Variants in PPP1R3G observed in about 807,000 individuals in gnomAD.
PPP1R3G encodes the protein protein phosphatase 1, regulatory (inhibitor) subunit 3G.
PPP1R3G carries 3 observed loss-of-function variants against 2.0 expected under a neutral mutation model. The observed-to-expected ratio is 1.47, with a 90% CI of 0.67 to 3.81. The LOEUF is 3.81. PPP1R3G is among the 30% of genes most tolerant of loss of function. The probability of loss-of-function intolerance (pLI) is 0.02; values close to 1 mark genes in which losing one functional copy is unlikely to be tolerated. For missense variants in PPP1R3G, 595 were observed against 517.0 expected, an observed-to-expected ratio of 1.15 and a Z score of -1.46; for synonymous variants, 267 against 250.9, an observed-to-expected ratio of 1.06 and a Z score of -0.61.
Position 5,085,781 on chromosome 6 carries a change from TGCA to T in PPP1R3G, c.309_311del (p.Gln105del), listed in dbSNP as rs780541343. ...CCCATCTTGCAGGCGGCCAAGTTCC[TGCA>T]GCAGCAGCAGCAACAGGCGGTGGCA... On this transcript the variant is annotated inframe_deletion, in exon 1 of 1. Coordinates refer to ENST00000405617, the MANE Select transcript of PPP1R3G (RefSeq NM_001145115.3). 5.2e-6 allele frequency: 8 copies of T among 1,532,778 alleles called. No individual in the cohort carries two copies. The highest frequency in any genetic ancestry group is 2.0e-5 in the Admixed American group (1 of 50,262). 94.9% of individuals were successfully genotyped at this position (1,532,778 alleles called of 1,614,324 possible).
At position 5,087,043 on chromosome 6, in the gene PPP1R3G, T is replaced by G. The variant is rs1762055823; in HGVS notation, c.*481T>G. Reference sequence around the variant, plus strand: ...AGAGGAAGGTGCCACGGACTGTGGGTGCACGCGTGGGACCTTTACACCCCA... The same window carrying G: ...AGAGGAAGGTGCCACGGACTGTGGGGGCACGCGTGGGACCTTTACACCCCA... On this transcript the variant is annotated 3_prime_UTR_variant, in exon 1 of 1. Coordinates refer to ENST00000405617, the MANE Select transcript of PPP1R3G (RefSeq NM_001145115.3). The G allele has an allele frequency of 6.3e-6, 1 of 157,832 alleles. No individual in the cohort carries two copies. 9.8% of individuals were successfully genotyped at this position (157,832 alleles called of 1,614,324 possible).
rs1459231401 is a variant in PPP1R3G at position 5,086,071 on chromosome 6, C to G, written c.586C>G (p.Arg196Gly). The change falls in exon 1 of 1, where the codon CGG becomes GGG. Residue 196 changes from arginine to glycine, a missense_variant. By Grantham distance (125) the Arg-to-Gly change is moderately radical. Coordinates refer to ENST00000405617, the MANE Select transcript of PPP1R3G (RefSeq NM_001145115.3). ...CGCGCCCCTTTCAGCGCCGCCTTCC[C>G]GGCTCCGGCCGCTCTTCCAGCTCCC... ...VAAPLSAPPSRLRPLFQLPGP... is the reference protein window; with the variant it reads ...VAAPLSAPPSGLRPLFQLPGP... 10 of 1,468,912 alleles carry G rather than the reference C, an allele frequency of 6.8e-6. No homozygotes were observed. The Admixed American group carries it at 1.5e-4, about 21-fold the overall frequency. The allele number at this position is 1,468,912 out of a possible 1,614,324, so 91.0% of individuals were successfully genotyped here. A position where few individuals can be genotyped will look rare whatever the true frequency, so the allele number is the denominator to read the frequency against.
rs1490673613 is a variant in PPP1R3G, at chr6:5,089,189, G to A, written c.*2627G>A. 6.6e-6 allele frequency: 1 copy of A among 152,084 alleles called. No individual in the cohort carries two copies. Among genetic ancestry groups the A allele is most frequent in the Non-Finnish European group, 1.5e-5 (1 of 68,020 alleles). 9.4% of individuals were successfully genotyped at this position (152,084 alleles called of 1,614,324 possible). A position where few individuals can be genotyped will look rare whatever the true frequency, so the allele number is the denominator to read the frequency against. On this transcript the variant is annotated 3_prime_UTR_variant, in exon 1 of 1. Coordinates refer to ENST00000405617, the MANE Select transcript of PPP1R3G (RefSeq NM_001145115.3). Reference sequence around the variant, plus strand: ...ATTCATATATGCTTATAAAAACTTTGACGAAAAATAAATGATAAAATGAAA... The same window carrying A: ...ATTCATATATGCTTATAAAAACTTTAACGAAAAATAAATGATAAAATGAAA...
At position 5,085,757 on chromosome 6, in the gene PPP1R3G, C is replaced by A. The variant is rs1354777358; in HGVS notation, c.272C>A (p.Pro91His). 6.5e-7 allele frequency: 1 copy of A among 1,537,182 alleles called. No individual in the cohort carries two copies. Among genetic ancestry groups the A allele is most frequent in the East Asian group, 2.5e-5 (1 of 40,456 alleles). ...CGCTCCTTTTCCTTGCCCGCCGACC[C>A]CATCTTGCAGGCGGCCAAGTTCCTG... ...RARSFSLPAD[P>H]ILQAAKFLQQ... The change falls in exon 1 of 1, where the codon CCC becomes CAC. Residue 91 changes from proline to histidine, a missense_variant. Physicochemically the swap from Pro to His is moderately conservative, Grantham distance 77 (BLOSUM62 -2). Coordinates refer to ENST00000405617, the MANE Select transcript of PPP1R3G (RefSeq NM_001145115.3).
Position 5,085,688 on chromosome 6 carries a change from A to G in PPP1R3G, c.203A>G (p.Gln68Arg), listed in dbSNP as rs1761974335. 3.2e-6 allele frequency: 5 copies of G among 1,547,912 alleles called. No individual in the cohort carries two copies. In the East Asian group the frequency reaches 1.2e-4, roughly 38 times the overall value. Residue 68 changes from glutamine (Q) to arginine (R), a missense_variant, in exon 1 of 1, where the codon CAG becomes CGG. Transcript: ENST00000405617. ...PLSPKEEAAP[Q>R]EQEELLECRR... ...TCCCCGAAGGAAGAGGCCGCCCCCC[A>G]GGAGCAGGAGGAGCTGCTGGAATGC...
chr6:5,088,713 T>C lies in PPP1R3G; in HGVS notation c.*2151T>C, dbSNP rs1411704695. 6.6e-6 allele frequency: 1 copy of C among 152,198 alleles called. No homozygotes were observed. Among genetic ancestry groups the C allele is most frequent in the African/African-American group, 2.4e-5 (1 of 41,444 alleles). 9.4% of individuals were successfully genotyped at this position (152,198 alleles called of 1,614,324 possible). A position where few individuals can be genotyped will look rare whatever the true frequency, so the allele number is the denominator to read the frequency against. Reference sequence around the variant, plus strand: ...TTATAGTTAATAAAGCATTTAGACTTTAGTGAGCTTTTGCCACTTGAAATA... The same window carrying C: ...TTATAGTTAATAAAGCATTTAGACTCTAGTGAGCTTTTGCCACTTGAAATA... On this transcript the variant is annotated 3_prime_UTR_variant, in exon 1 of 1. Transcript: ENST00000405617.
Position 5,086,082 on chromosome 6 carries a change from G to A in PPP1R3G, c.597G>A (p.Pro199=), listed in dbSNP as rs1471844474. ...PLSAPPSRLR[P]LFQLPGPSAA... ...CAGCGCCGCCTTCCCGGCTCCGGCCGCTCTTCCAGCTCCCGGGGCCGAGCG... is the reference window on the plus strand; with the variant it reads ...CAGCGCCGCCTTCCCGGCTCCGGCCACTCTTCCAGCTCCCGGGGCCGAGCG... The change falls in exon 1 of 1, where the codon CCG becomes CCA. Residue 199 remains proline, a synonymous_variant. Transcript: ENST00000405617. 52 of 1,465,850 alleles carry A rather than the reference G, an allele frequency of 3.5e-5. No individual in the cohort carries two copies. The highest frequency in any genetic ancestry group is 4.6e-5 in the Non-Finnish European group (51 of 1,117,362). 90.8% of individuals were successfully genotyped at this position (1,465,850 alleles called of 1,614,324 possible).
chr6:5,086,325 G>C lies in PPP1R3G; in HGVS notation c.840G>C (p.Pro280=). Residue 280 remains proline (P), a synonymous_variant, in exon 1 of 1, where the codon CCG becomes CCC. Transcript: ENST00000405617. The part of the protein sequence containing the change: ...EPLEPQQPEA[P]SGASEPGSGD... Reference sequence around the variant, plus strand: ...TGGAGCCACAGCAGCCAGAGGCACCGTCTGGGGCCTCCGAGCCAGGGTCCG... The same window carrying C: ...TGGAGCCACAGCAGCCAGAGGCACCCTCTGGGGCCTCCGAGCCAGGGTCCG... The C allele has an allele frequency of 6.5e-7, 1 of 1,535,748 alleles. No individual in the cohort carries two copies. Among genetic ancestry groups the C allele is most frequent in the African/African-American group, 1.4e-5 (1 of 73,162 alleles).
In PPP1R3G at chr6:5,086,590, G is replaced by A. The variant is rs952927568; in HGVS notation, c.*28G>A. On this transcript the variant is annotated 3_prime_UTR_variant, in exon 1 of 1. Coordinates refer to ENST00000405617, the MANE Select transcript of PPP1R3G (RefSeq NM_001145115.3). ...CTGGAGAGTTTCGAAGAGCCGTGGG[G>A]CGGGGTTGATTAGCACGTGGAGCTC... The A allele has an allele frequency of 6.8e-7, 1 of 1,466,252 alleles. No individual in the cohort carries two copies. The highest frequency in any genetic ancestry group is 1.4e-5 in the African/African-American group (1 of 70,982). The allele number at this position is 1,466,252 out of a possible 1,614,324, so 90.8% of individuals were successfully genotyped here.
chr6:5,085,951 G>T lies in PPP1R3G; in HGVS notation c.466G>T (p.Val156Leu). ...CTTCAGCGAGGCGGAGGAGCCGCAG[G>T]TGCCGCCCGCCGTGCTCTCGCGCCT... ...KHFSEAEEPQVPPAVLSRLRS... is the reference protein window; with the variant it reads ...KHFSEAEEPQLPPAVLSRLRS... Residue 156 changes from valine (V) to leucine (L), a missense_variant, in exon 1 of 1, where the codon GTG (valine) becomes TTG (leucine). By Grantham distance (32) the Val-to-Leu change is conservative. Coordinates refer to ENST00000405617, the MANE Select transcript of PPP1R3G (RefSeq NM_001145115.3). 1.3e-6 allele frequency: 2 copies of T among 1,527,320 alleles called. No individual in the cohort carries two copies. Among genetic ancestry groups the T allele is most frequent in the Non-Finnish European group, 1.7e-6 (2 of 1,143,804 alleles). 94.6% of individuals were successfully genotyped at this position (1,527,320 alleles called of 1,614,324 possible). A position where few individuals can be genotyped will look rare whatever the true frequency, so the allele number is the denominator to read the frequency against.
rs564266830 is a variant in PPP1R3G at position 5,085,460 on chromosome 6, G to A, written c.-26G>A. On this transcript the variant is annotated 5_prime_UTR_variant, in exon 1 of 1. Transcript: ENST00000405617. ...TCTCCAGAGGGGCCCGGTTCGGCCC[G>A]AGCAAGTCCAGGGGCGAACGGCGTC... The A allele has an allele frequency of 4.1e-5, 62 of 1,503,614 alleles. No individual in the cohort carries two copies. The African/African-American group carries it at 6.8e-4, about 17-fold the overall frequency. The allele number at this position is 1,503,614 out of a possible 1,614,324, so 93.1% of individuals were successfully genotyped here. A position where few individuals can be genotyped will look rare whatever the true frequency, so the allele number is the denominator to read the frequency against.
In PPP1R3G at chr6:5,086,416, C is replaced by A. The variant is rs1762025177; in HGVS notation, c.931C>A (p.Gln311Lys). The change falls in exon 1 of 1, where the codon CAG (glutamine) becomes AAG (lysine). Residue 311 changes from glutamine to lysine, a missense_variant. By Grantham distance (53) the Gln-to-Lys change is moderately conservative. Coordinates refer to ENST00000405617, the MANE Select transcript of PPP1R3G (RefSeq NM_001145115.3). ...HFSLCLPPGLQPEDEEDADER... is the reference protein window; with the variant it reads ...HFSLCLPPGLKPEDEEDADER... ...CTCGCTGTGCCTGCCCCCGGGCCTG[C>A]AGCCTGAGGACGAAGAGGACGCCGA... The A allele has an allele frequency of 6.5e-7, 1 of 1,536,326 alleles. No individual in the cohort carries two copies. Among genetic ancestry groups the A allele is most frequent in the Non-Finnish European group, 8.7e-7 (1 of 1,146,756 alleles).
In PPP1R3G at chr6:5,085,944, G is replaced by A. The variant is rs1345508927; in HGVS notation, c.459G>A (p.Glu153=). The A allele has an allele frequency of 6.4e-5, 98 of 1,526,726 alleles. No individual in the cohort carries two copies. Among genetic ancestry groups the A allele is most frequent in the Non-Finnish European group, 8.4e-5 (96 of 1,143,736 alleles). 94.6% of individuals were successfully genotyped at this position (1,526,726 alleles called of 1,614,324 possible). ...ASVKHFSEAE[E]PQVPPAVLSR... The stretch of plus-strand genomic sequence containing the variant: ...TGAAGCACTTCAGCGAGGCGGAGGA[G>A]CCGCAGGTGCCGCCCGCCGTGCTCT... The change falls in exon 1 of 1, where the codon GAG becomes GAA. Residue 153 remains glutamate (E), a synonymous_variant. Transcript: ENST00000405617.
rs1482837371 is a variant in PPP1R3G, at chr6:5,086,149, C to T, written c.664C>T (p.Arg222Cys). 3.3e-6 allele frequency: 5 copies of T among 1,515,388 alleles called. No homozygotes were observed. Among genetic ancestry groups the T allele is most frequent in the Non-Finnish European group, 4.4e-6 (5 of 1,137,660 alleles). The allele number at this position is 1,515,388 out of a possible 1,614,324, so 93.9% of individuals were successfully genotyped here. The change falls in exon 1 of 1, where the codon CGC becomes TGC. Residue 222 changes from arginine to cysteine, a missense_variant. Coordinates refer to ENST00000405617, the MANE Select transcript of PPP1R3G (RefSeq NM_001145115.3). ...GCAGCGGCAGCGCGTGTGCCTGGAGCGCGTGCAGTGCTCGACGGCCTCGGG... is the reference window on the plus strand; with the variant it reads ...GCAGCGGCAGCGCGTGTGCCTGGAGTGCGTGCAGTGCTCGACGGCCTCGGG... The part of the protein sequence containing the change: ...RLQRQRVCLE[R>C]VQCSTASGAE...
chr6:5,086,472 C>G lies in PPP1R3G; in HGVS notation c.987C>G (p.Val329=). 6.5e-7 allele frequency: 1 copy of G among 1,537,166 alleles called. No homozygotes were observed. The highest frequency in any genetic ancestry group is 8.7e-7 in the Non-Finnish European group (1 of 1,146,612). ...GCGGCGTCGCGGTCCACTTCGCTGT[C>G]TGCTACCGCTGCGCGCAGGGCGAGT... ...DERGVAVHFA[V]CYRCAQGEYW... Residue 329 remains valine, a synonymous_variant, in exon 1 of 1, where the codon GTC becomes GTG. Coordinates refer to ENST00000405617, the MANE Select transcript of PPP1R3G (RefSeq NM_001145115.3).
chr6:5,086,785 A>C lies in PPP1R3G; in HGVS notation c.*223A>C. On this transcript the variant is annotated 3_prime_UTR_variant, in exon 1 of 1. Coordinates refer to ENST00000405617, the MANE Select transcript of PPP1R3G (RefSeq NM_001145115.3). ...CAATGCTCCGAAAGCCTCTGACCTC[A>C]GTCTTCTCGTCCGTTTGACCTTCCT... 1 of 566,616 alleles carries C rather than the reference A, an allele frequency of 1.8e-6. No individual in the cohort carries two copies. Among genetic ancestry groups the C allele is most frequent in the Non-Finnish European group, 3.1e-6 (1 of 322,810 alleles). 35.1% of individuals were successfully genotyped at this position (566,616 alleles called of 1,614,324 possible).
Position 5,086,689 on chromosome 6 carries a change from G to T in PPP1R3G, c.*127G>T. ...AGTCTGGCGTGAGGGGCGCGTGGAGGGAAAGGAGGGAGACTTTGAACCGTC... is the reference window on the plus strand; with the variant it reads ...AGTCTGGCGTGAGGGGCGCGTGGAGTGAAAGGAGGGAGACTTTGAACCGTC... On this transcript the variant is annotated 3_prime_UTR_variant, in exon 1 of 1. Coordinates refer to ENST00000405617, the MANE Select transcript of PPP1R3G (RefSeq NM_001145115.3). The T allele has an allele frequency of 1.3e-6, 1 of 759,658 alleles. No homozygotes were observed. The highest frequency in any genetic ancestry group is 2.1e-6 in the Non-Finnish European group (1 of 482,970). 47.1% of individuals were successfully genotyped at this position (759,658 alleles called of 1,614,324 possible).
Position 5,088,067 on chromosome 6 carries a change from T to C in PPP1R3G, c.*1505T>C, listed in dbSNP as rs1362250906. Reference sequence around the variant, plus strand: ...TGTAGGGCCTGTGACCTAAGAATAGTTTTTACATTTTTATTTTTAATTTAA... The same window carrying C: ...TGTAGGGCCTGTGACCTAAGAATAGCTTTTACATTTTTATTTTTAATTTAA... On this transcript the variant is annotated 3_prime_UTR_variant, in exon 1 of 1. Coordinates refer to ENST00000405617, the MANE Select transcript of PPP1R3G (RefSeq NM_001145115.3). The C allele has an allele frequency of 1.3e-5, 2 of 152,008 alleles. No homozygotes were observed. The highest frequency in any genetic ancestry group is 2.9e-5 in the Non-Finnish European group (2 of 68,022). The allele number at this position is 152,008 out of a possible 1,614,324, so 9.4% of individuals were successfully genotyped here.
Position 5,085,916 on chromosome 6 carries a change from G to C in PPP1R3G, c.431G>C (p.Ser144Thr), listed in dbSNP as rs1195715827. ...GACACGCTGGGGCTAAGCCTGGCCA[G>C]CGTGAAGCACTTCAGCGAGGCGGAG... ...FADTLGLSLA[S>T]VKHFSEAEEP... The change falls in exon 1 of 1, where the codon AGC becomes ACC. Residue 144 changes from serine (S) to threonine (T), a missense_variant. Ser to Thr is a moderately conservative substitution (Grantham distance 58). Transcript: ENST00000405617. 6 of 1,530,590 alleles carry C rather than the reference G, an allele frequency of 3.9e-6. No individual in the cohort carries two copies. Among genetic ancestry groups the C allele is most frequent in the East Asian group, 5.0e-5 (2 of 40,348 alleles). 94.8% of individuals were successfully genotyped at this position (1,530,590 alleles called of 1,614,324 possible). A position where few individuals can be genotyped will look rare whatever the true frequency, so the allele number is the denominator to read the frequency against.
Sources: gnomAD v4.1 joint callset for allele counts on GRCh38, gnomAD v4.1.1 for gene constraint, MANE v1.5 for transcripts, NCBI Gene and HGNC (gene_info 2026-07-23, HGNC 2026-07-21) for gene names.